The following CDADC1 variants were observed in gnomAD, a reference collection of about 807,000 sequenced individuals.
CDADC1 encodes the protein dCTP deaminase.
A neutral mutation model predicts 54.9 loss-of-function variants in CDADC1; 39 were observed. The observed-to-expected ratio is 0.71, with a 90% CI of 0.55 to 0.93. The LOEUF is 0.93. Among genes scored for constraint, CDADC1 ranks in the 40% least tolerant of loss-of-function variants. The probability of loss-of-function intolerance (pLI) is 0.00; values close to 1 mark genes in which losing one functional copy is unlikely to be tolerated. For missense variants in CDADC1, 518 were observed against 618.8 expected (o/e 0.84, Z 1.73); for synonymous variants, 186 against 204.0 (o/e 0.91, Z 0.75).
At chr13:49,268,696 T>C (rs368471645) in intron 5 of CDADC1, among the ~76,000 whole-genome samples, 23 of 152,256 alleles carry the variant, frequency 1.5e-4, no homozygotes, top group East Asian at 5.8e-4. Context: ...ACCAAAATTA[T>C]TCATTTTTGT....
intron 6 of CDADC1, among the ~76,000 whole-genome samples, chr13:49,278,028 A>T (rs960407811): frequency 4.6e-5 from 7 of 152,218 alleles, no homozygotes; most frequent in African/African-American, 1.4e-4. Context: ...GCTCTCCAGG[A>T]TCTATAATTT....
At chr13:49,280,190 G>T (rs903477046) in intron 7 of CDADC1, among the ~76,000 whole-genome samples, 33 of 152,108 alleles carry the variant, frequency 2.2e-4, no homozygotes, top group Middle Eastern at 6.8e-3. Flanking sequence ...AGCATTGGGG[G>T]TTTTTTCTCT....
rs1427185438 is a variant in CDADC1, at chr13:49,292,561, T to C, written c.*804T>C. On this transcript the variant is annotated 3_prime_UTR_variant, in exon 10 of 10. Coordinates refer to ENST00000251108, the MANE Select transcript of CDADC1 (RefSeq NM_030911.4). ...TGCTCCCCCATATAGTCTTCCCTTC[T>C]GTATAATTAACATAGGTTGTCTCAT... 1 of 1,130,578 alleles carries C rather than the reference T, an allele frequency of 8.8e-7. No homozygotes were observed. Among genetic ancestry groups the C allele is most frequent in the African/African-American group, 1.6e-5 (1 of 61,226 alleles). 70.0% of individuals were successfully genotyped at this position (1,130,578 alleles called of 1,614,324 possible).
intron 2 of CDADC1, among the ~76,000 whole-genome samples, chr13:49,249,897 T>G (rs1331894489): frequency 6.6e-6 from 1 of 152,216 alleles, no homozygotes; most frequent in Non-Finnish European, 1.5e-5. Context: ...TAGGTTCTCA[T>G]CATTTCTGTT....
In CDADC1 at chr13:49,278,542, C is replaced by T. The variant is rs200548003; in HGVS notation, c.1220+23C>T. The T allele has an allele frequency of 3.5e-6, 5 of 1,432,526 alleles. No homozygotes were observed. The African/African-American group carries it at 5.7e-5, about 16-fold the overall frequency. The allele number at this position is 1,432,526 out of a possible 1,614,324, so 88.7% of individuals were successfully genotyped here. On this transcript the variant is annotated intron_variant, in intron 7 of 9. Transcript: ENST00000251108. The stretch of plus-strand genomic sequence containing the variant: ...TAGGTATGAAATCCTTCTTGGTGTA[C>T]TTTTCTTTAAAATGTAGCAAGGGTT...
At chr13:49,273,573 C>T (rs935979548) in intron 5 of CDADC1, among the ~76,000 whole-genome samples, 4 of 152,086 alleles carry the variant, frequency 2.6e-5, no homozygotes, top group African/African-American at 4.8e-5. Context: ...GGTTTTGGTT[C>T]TACAGGGAAA....
At chr13:49,286,758 A>G (rs1953525420) in intron 9 of CDADC1, among the ~76,000 whole-genome samples, 1 of 152,270 alleles carries the variant, frequency 6.6e-6, no homozygotes, top group Non-Finnish European at 1.5e-5. Flanking sequence ...CACAGCTACC[A>G]TAATGAATTA....
At chr13:49,248,732 ACT>A in intron 1 of CDADC1, 137 bp from the exon 2 acceptor site, 1 of 664,516 alleles carries the variant, frequency 1.5e-6, no homozygotes, top group South Asian at 1.8e-5. Flanking sequence ...GATACCTCTG[ACT>A]CTCTTGTCCC....
chr13:49,259,227 ACT>A (rs1456748956), intron 3 of CDADC1, 117 bp from the exon 4 acceptor site: 3 of 766,860 alleles, frequency 3.9e-6, no homozygotes, highest in Non-Finnish European at 5.8e-6. Context: ...CTTTGTACAA[ACT>A]CTGTTTAGAT....
chr13:49,287,759 C>A (rs925880385), intron 9 of CDADC1, among the ~76,000 whole-genome samples: 2 of 152,120 alleles, frequency 1.3e-5, no homozygotes, highest in East Asian at 3.9e-4. Flanking sequence ...ATTGCTTGAG[C>A]CCAGGAGTTT....
At chr13:49,275,225 A>G (rs1953074261) in intron 6 of CDADC1, among the ~76,000 whole-genome samples, 1 of 151,592 alleles carries the variant, frequency 6.6e-6, no homozygotes, top group Non-Finnish European at 1.5e-5. Flanking sequence ...AGCTGGGACT[A>G]TAGGCATGTA....
intron 6 of CDADC1, among the ~76,000 whole-genome samples, chr13:49,274,643 C>T (rs1046052272): frequency 4.6e-5 from 7 of 152,010 alleles, no homozygotes; most frequent in Non-Finnish European, 1.0e-4. Context: ...TGCACTCCAG[C>T]CTGGGTGACA....
chr13:49,271,363 C>T (rs1245609417), intron 5 of CDADC1, among the ~76,000 whole-genome samples: 1 of 152,172 alleles, frequency 6.6e-6, no homozygotes, highest in African/African-American at 2.4e-5. Flanking sequence ...CTTGCTTTCT[C>T]ATCAGATTAG....
chr13:49,265,930 G>A, intron 4 of CDADC1: 2 of 1,302,696 alleles, frequency 1.5e-6, no homozygotes. Flanking sequence ...CATCACTGCT[G>A]GTTAGGAAAT....
rs771041278 is a variant in CDADC1, at chr13:49,267,710, A to T, written c.651A>T (p.Thr217=). 2 of 1,612,576 alleles carry T rather than the reference A, an allele frequency of 1.2e-6. No homozygotes were observed. Among genetic ancestry groups the T allele is most frequent in the Non-Finnish European group, 1.7e-6 (2 of 1,179,386 alleles). ...AATGTGACTTTATTCAAAAAATTACAAAAACATTGCCGGATGCTAACACTG... is the reference window on the plus strand; with the variant it reads ...AATGTGACTTTATTCAAAAAATTACTAAAACATTGCCGGATGCTAACACTG... ...SYKCDFIQKI[T]KTLPDANTDF... Residue 217 remains threonine, a synonymous_variant, in exon 5 of 10, where the codon ACA becomes ACT. Coordinates refer to ENST00000251108, the MANE Select transcript of CDADC1 (RefSeq NM_030911.4).
intron 4 of CDADC1, among the ~76,000 whole-genome samples, chr13:49,265,277 C>T (rs1218384678): frequency 2.0e-5 from 3 of 151,982 alleles, no homozygotes; most frequent in Admixed American, 6.6e-5. Flanking sequence ...TGGAATTAAC[C>T]AGAACACAAT....
intron 2 of CDADC1, among the ~76,000 whole-genome samples, chr13:49,255,470 C>T (rs1266712072): frequency 4.6e-5 from 7 of 152,188 alleles, no homozygotes; most frequent in Non-Finnish European, 7.4e-5. Context: ...TACATAGTTC[C>T]TTATCTTCTC....
chr13:49,280,821 A>ATTAT lies in CDADC1; in HGVS notation c.1410+125_1410+128dup, dbSNP rs894362397. ...GTTTCAACAAATTATTATTATTATT[A>ATTAT]TTATTATTATTATTTTATTATTATT... On this transcript the variant is annotated intron_variant, in intron 8 of 9. Coordinates refer to ENST00000251108, the MANE Select transcript of CDADC1 (RefSeq NM_030911.4). 6 of 220,194 alleles carry ATTAT rather than the reference A, an allele frequency of 2.7e-5. No homozygotes were observed. The Admixed American group carries it at 2.9e-4, about 11-fold the overall frequency. 13.6% of individuals were successfully genotyped at this position (220,194 alleles called of 1,614,324 possible).
intron 6 of CDADC1, among the ~76,000 whole-genome samples, chr13:49,275,689 TTATATATATATATATATATATATA>T (rs371106804): frequency 7.0e-5 from 3 of 43,102 alleles, no homozygotes; most frequent in South Asian, 1.1e-3. Context: ...TTTCTAGGTG[TTATATATATATATATATATATATA>T]TATATATATA....
Sources: allele counts gnomAD v4.1 joint callset (sites outside exome capture counted in the v4.1 genomes callset), GRCh38; gene constraint gnomAD v4.1.1; transcripts MANE v1.5; gene names NCBI Gene and HGNC (gene_info 2026-07-23, HGNC 2026-07-21).